HABP4: variants seen among roughly 807,000 people sequenced by gnomAD.
The protein encoded by HABP4 is intracellular hyaluronan-binding protein 4.
HABP4 carries 32 observed loss-of-function variants against 44.1 expected under a neutral mutation model. That is an observed-to-expected ratio of 0.73 (90% CI 0.55 to 0.97). The LOEUF (loss-of-function observed/expected upper bound fraction) is 0.97, where lower values mean the gene tolerates loss of function less well. Among genes scored for constraint, HABP4 ranks in the 50% least tolerant of loss-of-function variants. The pLI is 0.00. For missense variants in HABP4, 503 were observed against 561.9 expected, an observed-to-expected ratio of 0.90 and a Z score of 1.06; for synonymous variants, 216 against 218.0, an observed-to-expected ratio of 0.99 and a Z score of 0.08.
intron 6 of HABP4, among the ~76,000 whole-genome samples, chr9:96,485,471 C>T: frequency 6.6e-6 from 1 of 152,208 alleles, no homozygotes; most frequent in Admixed American, 6.5e-5. Flanking sequence ...AGATGAGTCC[C>T]CGAACGCTTG....
At position 96,450,300 on chromosome 9, in the gene HABP4, TCC is replaced by T; in HGVS notation, c.23_24del (p.Pro8ArgfsTer100). 7.0e-7 allele frequency: 1 copy of T among 1,433,180 alleles called. No homozygotes were observed. The highest frequency in any genetic ancestry group is 9.3e-7 in the Non-Finnish European group (1 of 1,080,246). The allele number at this position is 1,433,180 out of a possible 1,614,324, so 88.8% of individuals were successfully genotyped here. MKGALGS[P>X]VAAAGAAMQE... Reference sequence around the variant, plus strand: ...GCGGCATGAAGGGCGCTCTGGGGAGTCCCGTGGCTGCCGCTGGCGCCGCGATG... The same window carrying T: ...GCGGCATGAAGGGCGCTCTGGGGAGTCGTGGCTGCCGCTGGCGCCGCGATG... On this transcript the variant is annotated frameshift_variant, in exon 1 of 8. Coordinates refer to ENST00000375249, the MANE Select transcript of HABP4 (RefSeq NM_014282.4). LOFTEE classifies it high-confidence loss of function. The surrounding 1 kb of genome is among the most constrained non-coding windows in gnomAD (Gnocchi z 4.8).
chr9:96,469,600 G>T (rs188364736), intron 4 of HABP4, among the ~76,000 whole-genome samples: 2 of 152,040 alleles, frequency 1.3e-5, no homozygotes, highest in Admixed American at 1.3e-4. Flanking sequence ...TCGGCTCACT[G>T]CAACCTCCGC....
rs746655005 is a variant in HABP4, at chr9:96,465,427, G to A, written c.603G>A (p.Gly201=). The A allele has an allele frequency of 1.9e-6, 3 of 1,612,098 alleles. No individual in the cohort carries two copies. Among genetic ancestry groups the A allele is most frequent in the Non-Finnish European group, 1.7e-6 (2 of 1,178,106 alleles). Residue 201 remains glycine (G), a synonymous_variant, in exon 3 of 8, where the codon GGG becomes GGA. Coordinates refer to ENST00000375249, the MANE Select transcript of HABP4 (RefSeq NM_014282.4). ...GCGGCAGAGGCAGAGGTGGCCCTGGGAACAGAGTTTTTGACGCTTTTGACC... is the reference window on the plus strand; with the variant it reads ...GCGGCAGAGGCAGAGGTGGCCCTGGAAACAGAGTTTTTGACGCTTTTGACC... ...GMRGRGRGGP[G]NRVFDAFDQR... is the part of the protein sequence containing the mutation.
intron 2 of HABP4, among the ~76,000 whole-genome samples, chr9:96,463,723 T>A (rs1233986517): frequency 3.3e-5 from 5 of 152,200 alleles, no homozygotes; most frequent in Admixed American, 2.0e-4. Context: ...GATCAGTACT[T>A]CTGTATTTCT....
intron 5 of HABP4, among the ~76,000 whole-genome samples, chr9:96,471,355 C>G (rs549156933): frequency 8.5e-5 from 13 of 152,160 alleles, no homozygotes; most frequent in African/African-American, 3.1e-4. Context: ...GTCGGCCAGG[C>G]TGGTCTCGAA....
chr9:96,468,511 A>C (rs2131135725), intron 4 of HABP4, among the ~76,000 whole-genome samples: 1 of 152,158 alleles, frequency 6.6e-6, no homozygotes, highest in South Asian at 2.1e-4. Context: ...CGCTCACCTC[A>C]GCCTCCCAAA....
At chr9:96,469,521 A>G (rs1487698239) in intron 4 of HABP4, among the ~76,000 whole-genome samples, 1 of 152,144 alleles carries the variant, frequency 6.6e-6, no homozygotes, top group Non-Finnish European at 1.5e-5. Flanking sequence ...TAAATCCAAC[A>G]TTGGTGATTT....
intron 5 of HABP4, among the ~76,000 whole-genome samples, chr9:96,478,355 A>T (rs539117016): frequency 1.3e-5 from 2 of 151,862 alleles, no homozygotes; most frequent in Non-Finnish European, 1.5e-5. Context: ...CTGGTCTCGA[A>T]CTCCTGACCT....
intron 4 of HABP4, among the ~76,000 whole-genome samples, chr9:96,468,246 T>C (rs7866577): frequency 0.92 from 138,531 of 150,578 alleles, 63,920 homozygotes; most frequent in East Asian, 1. Context: ...CCACACCCAC[T>C]ACACCCAGCA....
chr9:96,462,180 A>G (rs1832511159), intron 2 of HABP4, among the ~76,000 whole-genome samples: 2 of 151,178 alleles, frequency 1.3e-5, no homozygotes, highest in South Asian at 4.2e-4. Flanking sequence ...GGTTGGGCAC[A>G]GTGGCTCTCA....
Position 96,490,894 on chromosome 9 carries a change from T to C in HABP4, c.*856T>C, listed in dbSNP as rs549451493. The C allele has an allele frequency of 9.6e-4, 146 of 152,282 alleles. No homozygotes were observed. Among genetic ancestry groups the C allele is most frequent in the African/African-American group, 3.4e-3 (141 of 41,564 alleles). 9.4% of individuals were successfully genotyped at this position (152,282 alleles called of 1,614,324 possible). A position where few individuals can be genotyped will look rare whatever the true frequency, so the allele number is the denominator to read the frequency against. ...TTGAGCAAAAGTTGTAAATAACTAGTATTTATTAAGCACTTATAAGCAGTT... is the reference window on the plus strand; with the variant it reads ...TTGAGCAAAAGTTGTAAATAACTAGCATTTATTAAGCACTTATAAGCAGTT... On this transcript the variant is annotated 3_prime_UTR_variant, in exon 8 of 8. Coordinates refer to ENST00000375249, the MANE Select transcript of HABP4 (RefSeq NM_014282.4).
intron 7 of HABP4, among the ~76,000 whole-genome samples, chr9:96,489,248 AAC>A (rs1395859458): frequency 2.0e-5 from 3 of 152,060 alleles, no homozygotes; most frequent in East Asian, 3.9e-4. Flanking sequence ...TGCGATAGGA[AAC>A]ACACCCTCAC....
Position 96,450,504 on chromosome 9 carries a change from A to G in HABP4, c.225A>G (p.Pro75=). 1 of 1,214,468 alleles carries G rather than the reference A, an allele frequency of 8.2e-7. No homozygotes were observed. The highest frequency in any genetic ancestry group is 4.1e-5 in the South Asian group (1 of 24,526). 75.2% of individuals were successfully genotyped at this position (1,214,468 alleles called of 1,614,324 possible). A position where few individuals can be genotyped will look rare whatever the true frequency, so the allele number is the denominator to read the frequency against. ...CCGGTCCCCGCGGCGGCAGGAGCCC[A>G]GCCGGGGCCTCGGGCCACAGAGCCG... ...AGAGPRGGRS[P]AGASGHRAGA... is the part of the protein sequence containing the mutation. The change falls in exon 1 of 8, where the codon CCA becomes CCG. Residue 75 remains proline, a synonymous_variant. Transcript: ENST00000375249. The surrounding 1 kb of genome is among the most constrained non-coding windows in gnomAD (Gnocchi z 4.8).
intron 4 of HABP4, among the ~76,000 whole-genome samples, chr9:96,467,988 T>C (rs1832631954): frequency 6.6e-6 from 1 of 152,238 alleles, no homozygotes; most frequent in Non-Finnish European, 1.5e-5. Context: ...CTTGTGGCCC[T>C]GGCAGGCTGG....
intron 1 of HABP4, chr9:96,451,621 G>C (rs1337660164): frequency 9.8e-6 from 2 of 203,908 alleles, no homozygotes; most frequent in East Asian, 3.7e-4. Context: ...AAACGTCTCA[G>C]GTTTAAGTAT....
chr9:96,471,149 CT>C (rs35109507), intron 5 of HABP4, 55 bp downstream of exon 5: 206,055 of 722,188 alleles, frequency 0.29, 13,084 homozygotes, highest in African/African-American at 0.54. Context: ...TTAATGATTT[CT>C]TTTTTTTTTT....
chr9:96,452,976 A>G (rs1832313150), intron 1 of HABP4, among the ~76,000 whole-genome samples: 1 of 120,604 alleles, frequency 8.3e-6, no homozygotes, highest in Non-Finnish European at 1.6e-5. Context: ...GCTGGAGTGC[A>G]GTGGCATGAT....
chr9:96,456,616 T>G (rs1008443377), intron 1 of HABP4, among the ~76,000 whole-genome samples: 12 of 150,804 alleles, frequency 8.0e-5, no homozygotes, highest in Non-Finnish European at 1.3e-4. Context: ...AAAAATTAGC[T>G]GGGCGTGGTG....
At chr9:96,454,448 CTTTTTTTTT>C (rs994572427) in intron 1 of HABP4, among the ~76,000 whole-genome samples, 5 of 127,320 alleles carry the variant, frequency 3.9e-5, no homozygotes, top group Admixed American at 1.6e-4. Context: ...GTTCTGAACT[CTTTTTTTTT>C]TTTTTTTTTT....
Sources: allele counts gnomAD v4.1 joint callset (sites outside exome capture counted in the v4.1 genomes callset), GRCh38; gene constraint gnomAD v4.1.1; non-coding constraint Gnocchi (gnomAD v3.1); transcripts MANE v1.5; gene names NCBI Gene and HGNC (gene_info 2026-07-23, HGNC 2026-07-21).